The following CD47 variants were observed in gnomAD, a reference collection of about 807,000 sequenced individuals.
CD47 encodes leukocyte surface antigen CD47.
In CD47, 11 loss-of-function variants were observed where a neutral mutation model predicts 44.6. The observed-to-expected ratio is 0.25, with a 90% confidence interval of 0.16 to 0.41. CD47 has a LOEUF of 0.41. Among genes scored for constraint, CD47 ranks in the 10% least tolerant of loss-of-function variants. The probability of loss-of-function intolerance (pLI) is 1.00; values close to 1 mark genes in which losing one functional copy is unlikely to be tolerated. For synonymous variants in CD47, 140 were observed against 136.3 expected (o/e 1.03, Z -0.19); for missense variants, 306 against 386.7 (o/e 0.79, Z 1.75).
rs757322747 is a variant in CD47 at position 108,060,824 on chromosome 3, A to G, written c.519T>C (p.Asp173=). Residue 173 remains aspartate, a synonymous_variant, in exon 4 of 11, where the codon GAT becomes GAC. Coordinates refer to ENST00000361309, the MANE Select transcript of CD47 (RefSeq NM_001777.4). ...KTLKYRSGGM[D]EKTIALLVAG... ...CAACAAGTAAAGCAATTGTTTTCTCATCCATACCACCGGATCTATATTTAA... is the reference window on the plus strand; with the variant it reads ...CAACAAGTAAAGCAATTGTTTTCTCGTCCATACCACCGGATCTATATTTAA... 1 of 1,612,286 alleles carries G rather than the reference A, an allele frequency of 6.2e-7. No homozygotes were observed. Among genetic ancestry groups the G allele is most frequent in the African/African-American group, 1.3e-5 (1 of 74,880 alleles).
Position 108,045,789 on chromosome 3 carries a change from T to C in CD47, c.*1499A>G, listed in dbSNP as rs1454159746. ...TATTACACAAACAGGAAGAATTACG[T>C]ATTTTTACAGGGTATTGGTGAGCAG... On this transcript the variant is annotated 3_prime_UTR_variant, in exon 11 of 11. Coordinates refer to ENST00000361309, the MANE Select transcript of CD47 (RefSeq NM_001777.4). The C allele has an allele frequency of 2.0e-5, 3 of 152,278 alleles. No homozygotes were observed. The highest frequency in any genetic ancestry group is 7.2e-5 in the African/African-American group (3 of 41,448). 9.4% of individuals were successfully genotyped at this position (152,278 alleles called of 1,614,324 possible). A position where few individuals can be genotyped will look rare whatever the true frequency, so the allele number is the denominator to read the frequency against.
chr3:108,081,697 C>T (rs2079421521), intron 1 of CD47, among the ~76,000 whole-genome samples: 1 of 151,936 alleles, frequency 6.6e-6, no homozygotes, highest in African/African-American at 2.4e-5. Flanking sequence ...GGATCAAAAA[C>T]AAACACCGGG....
chr3:108,075,992 G>A (rs2079304080), intron 2 of CD47, among the ~76,000 whole-genome samples: 1 of 152,162 alleles, frequency 6.6e-6, no homozygotes, highest in African/African-American at 2.4e-5. Flanking sequence ...CAAAGAAACA[G>A]GGACCCCAGT....
intron 2 of CD47, among the ~76,000 whole-genome samples, chr3:108,073,282 T>A (rs2079243935): frequency 6.6e-6 from 1 of 151,746 alleles, no homozygotes; most frequent in Admixed American, 6.6e-5. Context: ...TATATTAATA[T>A]TAATTTGAAT....
At chr3:108,058,221 AC>A in intron 6 of CD47, 115 bp downstream of exon 6, 1 of 568,090 alleles carries the variant, frequency 1.8e-6, no homozygotes, top group African/African-American at 2.0e-5. Context: ...CAAAAACTGC[AC>A]TAAAAAAAAA....
intron 1 of CD47, 49 bp downstream of exon 1, chr3:108,090,814 G>C: frequency 6.9e-7 from 1 of 1,451,840 alleles, no homozygotes; most frequent in Non-Finnish European, 9.1e-7. Context: ...ACACGCCCGC[G>C]GGGGCGAAGC....
chr3:108,065,873 C>G (rs1007914959), intron 3 of CD47, among the ~76,000 whole-genome samples: 2 of 135,590 alleles, frequency 1.5e-5, no homozygotes, highest in Non-Finnish European at 3.1e-5. Flanking sequence ...ATAACAAAGT[C>G]TTATTACCAG....
At chr3:108,079,609 A>G (rs1354626657) in intron 2 of CD47, among the ~76,000 whole-genome samples, 1 of 149,736 alleles carries the variant, frequency 6.7e-6, no homozygotes, top group African/African-American at 2.4e-5. Context: ...AAAAAACAGA[A>G]GGCTGAATAA....
rs370121428 is a variant in CD47, at chr3:108,083,018, T to C, written c.47-2674A>G. ...CTGTCTGATTTGGGGTTTTTTCCTT[T>C]TGCCTACTCCCTTCTCATAAAACAG... On this transcript the variant is annotated intron_variant, in intron 1 of 10. Transcript: ENST00000361309. 8.4e-4 allele frequency among the ~76,000 whole-genome samples: 128 copies of C among 152,146 alleles called. 2 individuals carry two copies. The South Asian group carries it at 0.025, about 30-fold the overall frequency.
In CD47 at chr3:108,060,845, T is replaced by C. The variant is rs1460605413; in HGVS notation, c.498A>G (p.Lys166=). Residue 166 remains lysine, a synonymous_variant, in exon 4 of 11, where the codon AAA becomes AAG. Transcript: ENST00000361309. ...FWGQFGIKTL[K]YRSGGMDEKT... is the part of the protein sequence containing the mutation. ...TCTCATCCATACCACCGGATCTATA[T>C]TTAAGTGCTTAAAAAAGAAAAACAA... 1.2e-6 allele frequency: 2 copies of C among 1,604,444 alleles called. No individual in the cohort carries two copies. Among genetic ancestry groups the C allele is most frequent in the South Asian group, 2.2e-5 (2 of 90,768 alleles).
intron 7 of CD47, 126 bp downstream of exon 7, chr3:108,057,351 C>G (rs568966784): frequency 1.6e-5 from 9 of 555,994 alleles, no homozygotes; most frequent in African/African-American, 1.5e-4. Context: ...CTTTAATTAT[C>G]CTCGAATCAC....
chr3:108,082,061 T>C (rs1341831745), intron 1 of CD47, among the ~76,000 whole-genome samples: 2 of 152,038 alleles, frequency 1.3e-5, no homozygotes, highest in African/African-American at 4.8e-5. Flanking sequence ...AGAGAGGACA[T>C]AGTATACCAG....
Position 108,080,065 on chromosome 3 carries a change from G to A in CD47, c.326C>T (p.Thr109Ile), listed in dbSNP as rs2079387200. 1 of 1,612,910 alleles carries A rather than the reference G, an allele frequency of 6.2e-7. No individual in the cohort carries two copies. Among genetic ancestry groups the A allele is most frequent in the Non-Finnish European group, 8.5e-7 (1 of 1,179,118 alleles). Reference protein sequence around the residue: ...KMDKSDAVSHTGNYTCEVTEL... With the variant: ...KMDKSDAVSHIGNYTCEVTEL... ...TGTTACTTCACAAGTGTAGTTTCCT[G>A]TGTGTGAGACAGCATCACTCTTATC... is the stretch of plus-strand genomic sequence containing the variant. Residue 109 changes from threonine to isoleucine, a missense_variant, in exon 2 of 11, where the codon ACA becomes ATA. Physicochemically the swap from Thr to Ile is moderately conservative, Grantham distance 89. Transcript: ENST00000361309.
In CD47 at chr3:108,047,372, G is replaced by A. The variant is rs2078737298; in HGVS notation, c.968-80C>T. On this transcript the variant is annotated intron_variant, in intron 10 of 10. Transcript: ENST00000361309. ...TTAAAAAGTTGACACATTAAAAAAA[G>A]TTTCAGATATATAGTATCTAAAAAT... The A allele has an allele frequency of 4.5e-6, 5 of 1,117,220 alleles. No individual in the cohort carries two copies. The African/African-American group carries it at 6.2e-5, about 14-fold the overall frequency. The allele number at this position is 1,117,220 out of a possible 1,614,324, so 69.2% of individuals were successfully genotyped here. A position where few individuals can be genotyped will look rare whatever the true frequency, so the allele number is the denominator to read the frequency against.
At chr3:108,050,556 T>C in intron 9 of CD47, 22 bp downstream of exon 9, 1 of 1,164,212 alleles carries the variant, frequency 8.6e-7, no homozygotes, top group Admixed American at 2.0e-5. Context: ...GGTAAAGGAT[T>C]AAGAGTGAAA....
chr3:108,059,161 A>G (rs1328877158), intron 5 of CD47, among the ~76,000 whole-genome samples: 1 of 152,246 alleles, frequency 6.6e-6, no homozygotes, highest in Non-Finnish European at 1.5e-5. Flanking sequence ...ATAACTTCAA[A>G]AAACTGAAAT....
At chr3:108,080,982 T>C (rs1410898530) in intron 1 of CD47, among the ~76,000 whole-genome samples, 2 of 151,654 alleles carry the variant, frequency 1.3e-5, no homozygotes, top group African/African-American at 4.8e-5. Flanking sequence ...TAGCAAAATA[T>C]AGGCAGCAAT....
At chr3:108,074,902 A>G (rs976155242) in intron 2 of CD47, among the ~76,000 whole-genome samples, 2 of 152,084 alleles carry the variant, frequency 1.3e-5, no homozygotes, top group Non-Finnish European at 2.9e-5. Flanking sequence ...ATGCTGGGGG[A>G]AAAAAACCAA....
At chr3:108,062,847 G>A (rs60267103) in intron 3 of CD47, among the ~76,000 whole-genome samples, 40,865 of 149,236 alleles carry the variant, frequency 0.27, 5,633 homozygotes, top group South Asian at 0.31. Context: ...GTAGAGACGG[G>A]GTTTCACATT....
Sources: gnomAD v4.1 joint callset for allele counts (sites outside exome capture counted in the v4.1 genomes callset) on GRCh38, gnomAD v4.1.1 for gene constraint, MANE v1.5 for transcripts, NCBI Gene and HGNC (gene_info 2026-07-23, HGNC 2026-07-21) for gene names.